Variants in PLCB4 observed in about 807,000 individuals in gnomAD.
PLCB4 encodes the protein phospholipase C beta 4.
Under a neutral mutation model 178.8 loss-of-function variants are expected in PLCB4, and 77 were observed. The observed-to-expected ratio is 0.43, with a 90% CI of 0.36 to 0.52. The LOEUF (loss-of-function observed/expected upper bound fraction) is 0.52, where lower values mean the gene tolerates loss of function less well. PLCB4 is among the 20% of genes least tolerant of loss of function. PLCB4 has a pLI of 0.00. For missense variants in PLCB4, 1,024 were observed against 1,453.4 expected, an observed-to-expected ratio of 0.70 and a Z score of 4.80; for synonymous variants, 496 against 490.8, an observed-to-expected ratio of 1.01 and a Z score of -0.14.
intron 9 of PLCB4, among the ~76,000 whole-genome samples, chr20:9,368,909 A>T (rs954035322): frequency 6.6e-6 from 1 of 152,302 alleles, no homozygotes; most frequent in Non-Finnish European, 1.5e-5. Flanking sequence ...ATTGAGTACC[A>T]GTTAGCTATG....
intron 25 of PLCB4, among the ~76,000 whole-genome samples, chr20:9,417,086 T>G (rs536451060): frequency 6.6e-6 from 1 of 152,342 alleles, no homozygotes; most frequent in South Asian, 2.1e-4. Flanking sequence ...TGAGTTCCCA[T>G]AATTTTGATT....
chr20:9,143,509 A>T (rs904358814), intron 2 of PLCB4, among the ~76,000 whole-genome samples: 4 of 152,174 alleles, frequency 2.6e-5, no homozygotes. Flanking sequence ...CACATTAGCT[A>T]GTTCCAGAAA....
chr20:9,315,141 C>T (rs754135596), intron 4 of PLCB4, among the ~76,000 whole-genome samples: 4 of 152,138 alleles, frequency 2.6e-5, no homozygotes, highest in Non-Finnish European at 4.4e-5. Context: ...ACAGAATATT[C>T]TGAATTATAA....
chr20:9,316,271 G>C (rs2094897925), intron 4 of PLCB4, among the ~76,000 whole-genome samples: 1 of 152,114 alleles, frequency 6.6e-6, no homozygotes, highest in Admixed American at 6.6e-5. Flanking sequence ...AACTGGCCCA[G>C]GCGTATGTGC....
chr20:9,414,498 G>C (rs185474080), intron 25 of PLCB4, among the ~76,000 whole-genome samples: 31 of 152,342 alleles, frequency 2.0e-4, no homozygotes, highest in African/African-American at 7.0e-4. Context: ...TTTGGGCTGA[G>C]TCTGAGGACT....
chr20:9,314,013 A>T (rs1194553021), intron 4 of PLCB4, among the ~76,000 whole-genome samples: 3 of 152,228 alleles, frequency 2.0e-5, no homozygotes, highest in Non-Finnish European at 4.4e-5. Flanking sequence ...TAGGTGAGTC[A>T]GTCAACCACT....
At chr20:9,128,882 T>C (rs2092201604) in intron 2 of PLCB4, among the ~76,000 whole-genome samples, 1 of 152,148 alleles carries the variant, frequency 6.6e-6, no homozygotes, top group East Asian at 1.9e-4. Flanking sequence ...CTCTGCAAAA[T>C]TGACTACTCT....
chr20:9,473,128 A>G (rs754384946), intron 37 of PLCB4, 151 bp from the exon 38 acceptor site: 13 of 548,094 alleles, frequency 2.4e-5, no homozygotes, highest in Non-Finnish European at 3.8e-5. Context: ...AGAAATAATT[A>G]TGAGTTTAAA....
At chr20:9,102,133 C>T (rs1246579278) in intron 2 of PLCB4, among the ~76,000 whole-genome samples, 1 of 152,208 alleles carries the variant, frequency 6.6e-6, no homozygotes, top group African/African-American at 2.4e-5. Flanking sequence ...GCATGAGCCA[C>T]CGCACCTGGC....
intron 7 of PLCB4, among the ~76,000 whole-genome samples, chr20:9,360,434 T>C (rs1229334969): frequency 1.3e-5 from 2 of 152,092 alleles, no homozygotes; most frequent in Non-Finnish European, 2.9e-5. Flanking sequence ...TAAATTAGAA[T>C]GATCAGAAAA....
chr20:9,468,556 G>A lies in PLCB4; in HGVS notation c.3249-15G>A. 1 of 1,533,338 alleles carries A rather than the reference G, an allele frequency of 6.5e-7. No individual in the cohort carries two copies. 95.0% of individuals were successfully genotyped at this position (1,533,338 alleles called of 1,614,324 possible). A position where few individuals can be genotyped will look rare whatever the true frequency, so the allele number is the denominator to read the frequency against. On this transcript the variant is annotated splice_polypyrimidine_tract_variant and intron_variant, in intron 35 of 39. Transcript: ENST00000378473. Reference sequence around the variant, plus strand: ...ATCCCCCCTCCCTGTTTGTTTTCTTGTTTTTAATACATAGGGAAAGCAAGG... The same window carrying A: ...ATCCCCCCTCCCTGTTTGTTTTCTTATTTTTAATACATAGGGAAAGCAAGG...
intron 30 of PLCB4, among the ~76,000 whole-genome samples, chr20:9,442,791 T>C (rs1457843556): frequency 6.6e-6 from 1 of 152,128 alleles, no homozygotes; most frequent in Non-Finnish European, 1.5e-5. Flanking sequence ...TATACCCCGA[T>C]CATAAAATGT....
intron 2 of PLCB4, among the ~76,000 whole-genome samples, chr20:9,113,573 A>T (rs2091666791): frequency 6.6e-6 from 1 of 152,224 alleles, no homozygotes. Context: ...TACGAGACAC[A>T]CTTTAATTAC....
intron 7 of PLCB4, among the ~76,000 whole-genome samples, chr20:9,362,364 A>G (rs957583971): frequency 2.0e-5 from 3 of 152,216 alleles, no homozygotes; most frequent in Non-Finnish European, 4.4e-5. Flanking sequence ...ATGTGAGCAC[A>G]TCGCTGTTTG....
intron 4 of PLCB4, among the ~76,000 whole-genome samples, chr20:9,316,844 C>G (rs1444450989): frequency 6.6e-6 from 1 of 152,168 alleles, no homozygotes; most frequent in African/African-American, 2.4e-5. Flanking sequence ...TTCCTCTAGA[C>G]CAGCCTTTGA....
chr20:9,266,663 T>C (rs916942307), intron 3 of PLCB4, among the ~76,000 whole-genome samples: 2 of 152,190 alleles, frequency 1.3e-5, no homozygotes, highest in Non-Finnish European at 2.9e-5. Flanking sequence ...GCCATTTCAG[T>C]CTGACTCCCT....
At chr20:9,421,862 T>C (rs1365070253) in intron 27 of PLCB4, among the ~76,000 whole-genome samples, 3 of 152,210 alleles carry the variant, frequency 2.0e-5, no homozygotes, top group South Asian at 2.1e-4. Flanking sequence ...TGTCACTACA[T>C]GGGTCAGTTG....
intron 3 of PLCB4, among the ~76,000 whole-genome samples, chr20:9,227,879 A>G (rs2093886690): frequency 1.3e-5 from 2 of 152,102 alleles, no homozygotes; most frequent in African/African-American, 4.8e-5. Context: ...TCCTGCAGTG[A>G]TTTTTCAACT....
intron 3 of PLCB4, among the ~76,000 whole-genome samples, chr20:9,221,868 C>G (rs1674309785): frequency 6.6e-6 from 1 of 152,080 alleles, no homozygotes; most frequent in African/African-American, 2.4e-5. Context: ...AGGAACATTT[C>G]CAGGCACACA....
Sources: allele counts gnomAD v4.1 joint callset (sites outside exome capture counted in the v4.1 genomes callset), GRCh38; gene constraint gnomAD v4.1.1; transcripts MANE v1.5; gene names NCBI Gene and HGNC (gene_info 2026-07-23, HGNC 2026-07-21).